Variants in DIP2C observed in about 807,000 individuals in gnomAD.
The protein encoded by DIP2C is disco-interacting protein 2 homolog C.
In DIP2C, 33 loss-of-function variants were observed where a neutral mutation model predicts 192.4. That is an observed-to-expected ratio of 0.17 (90% confidence interval 0.13 to 0.23). The LOEUF (loss-of-function observed/expected upper bound fraction) is 0.23, where lower values mean the gene tolerates loss of function less well. DIP2C is among the 10% of genes least tolerant of loss of function. DIP2C has a pLI of 1.00. For synonymous variants in DIP2C, 979 were observed against 864.1 expected (o/e 1.13, Z -2.33); for missense variants, 1,537 against 2,110.1 (o/e 0.73, Z 5.32).
At position 522,723 on chromosome 10, in the gene DIP2C, G is replaced by A. The variant is rs555210990; in HGVS notation, c.86-36193C>T. ...TCTTTGGTCCATTTTTTCATCAGGTGGTTCATTTTCTTATTATTGGGTTTT... is the reference window on the plus strand; with the variant it reads ...TCTTTGGTCCATTTTTTCATCAGGTAGTTCATTTTCTTATTATTGGGTTTT... On this transcript the variant is annotated intron_variant, in intron 1 of 36. Coordinates refer to ENST00000280886, the MANE Select transcript of DIP2C (RefSeq NM_014974.3). 6.6e-5 allele frequency among the ~76,000 whole-genome samples: 10 copies of A among 152,360 alleles called. No homozygotes were observed. The South Asian group carries it at 1.0e-3, about 16-fold the overall frequency.
intron 2 of DIP2C, among the ~76,000 whole-genome samples, chr10:476,111 G>A (rs564588568): frequency 1.3e-5 from 2 of 152,178 alleles, no homozygotes; most frequent in Admixed American, 6.5e-5. Context: ...AGGGGAGAGA[G>A]GCCGGCATGG....
At chr10:394,956 G>A (rs758972408) in intron 10 of DIP2C, among the ~76,000 whole-genome samples, 6 of 147,110 alleles carry the variant, frequency 4.1e-5, no homozygotes, top group East Asian at 2.1e-4. Context: ...CTATTCAGCC[G>A]TCAGTGAGGA....
At chr10:624,649 G>C (rs369300112) in intron 1 of DIP2C, among the ~76,000 whole-genome samples, 3 of 152,286 alleles carry the variant, frequency 2.0e-5, no homozygotes, top group Admixed American at 6.5e-5. Flanking sequence ...CGGAGGAGGC[G>C]AGCGTCGGTC....
In DIP2C at chr10:286,360, G is replaced by A. The variant is rs749717052; in HGVS notation, c.4045-13C>T. On this transcript the variant is annotated splice_polypyrimidine_tract_variant and intron_variant, in intron 33 of 36. Coordinates refer to ENST00000280886, the MANE Select transcript of DIP2C (RefSeq NM_014974.3). The stretch of plus-strand genomic sequence containing the variant: ...CCCCTGGAAGTATCTATTTGGGAGA[G>A]GAAAAGTCTCTTGTCAATGGGAGGA... The A allele has an allele frequency of 1.9e-6, 3 of 1,612,950 alleles. No homozygotes were observed. The highest frequency in any genetic ancestry group is 4.5e-5 in the East Asian group (2 of 44,880).
intron 4 of DIP2C, among the ~76,000 whole-genome samples, chr10:426,115 C>T (rs928116737): frequency 1.4e-4 from 22 of 152,158 alleles, no homozygotes; most frequent in Middle Eastern, 3.4e-3. Flanking sequence ...ATGTAGAAAA[C>T]GGCAAGAAGT....
chr10:395,207 G>A (rs1225625498), intron 10 of DIP2C, among the ~76,000 whole-genome samples: 1 of 151,650 alleles, frequency 6.6e-6, no homozygotes, highest in Non-Finnish European at 1.5e-5. Flanking sequence ...CAGATTGGAG[G>A]AAGAGGTTTT....
At chr10:620,904 G>A (rs577964981) in intron 1 of DIP2C, among the ~76,000 whole-genome samples, 7 of 152,298 alleles carry the variant, frequency 4.6e-5, no homozygotes, top group Admixed American at 1.3e-4. Context: ...TAAATCTGTC[G>A]GCTGGAGTAT....
chr10:550,718 T>C (rs891109188), intron 1 of DIP2C, among the ~76,000 whole-genome samples: 1 of 152,036 alleles, frequency 6.6e-6, no homozygotes, highest in African/African-American at 2.4e-5. Context: ...CTAGCCCCTC[T>C]CCCCCTACGA....
chr10:497,160 C>T (rs1193219193), intron 1 of DIP2C, among the ~76,000 whole-genome samples: 2 of 151,984 alleles, frequency 1.3e-5, no homozygotes, highest in Non-Finnish European at 2.9e-5. Context: ...ACCTTACTCA[C>T]AATACCCCAA....
intron 3 of DIP2C, among the ~76,000 whole-genome samples, chr10:447,009 G>A (rs1241117629): frequency 6.6e-6 from 1 of 152,154 alleles, no homozygotes; most frequent in African/African-American, 2.4e-5. Flanking sequence ...AAAAGCTTCG[G>A]CATCTATATG....
intron 1 of DIP2C, among the ~76,000 whole-genome samples, chr10:598,352 A>G (rs1191131834): frequency 3.3e-5 from 5 of 152,256 alleles, no homozygotes; most frequent in African/African-American, 9.6e-5. Context: ...AGACCCCTGC[A>G]TTGAGCACAA....
intron 1 of DIP2C, among the ~76,000 whole-genome samples, chr10:626,159 T>G (rs1189515278): frequency 6.6e-6 from 1 of 152,166 alleles, no homozygotes; most frequent in African/African-American, 2.4e-5. Flanking sequence ...CGAGTGCCGA[T>G]GACATGCTAG....
chr10:550,310 C>T (rs1403320354), intron 1 of DIP2C, among the ~76,000 whole-genome samples: 2 of 152,088 alleles, frequency 1.3e-5, no homozygotes, highest in East Asian at 3.9e-4. Flanking sequence ...GTGCCCGGCC[C>T]ATGTAGCTAT....
intron 17 of DIP2C, among the ~76,000 whole-genome samples, chr10:381,006 A>T (rs545133081): frequency 1.3e-5 from 2 of 152,222 alleles, no homozygotes; most frequent in African/African-American, 2.4e-5. Flanking sequence ...CAATGCAGAG[A>T]GGGATGTGTT....
intron 1 of DIP2C, among the ~76,000 whole-genome samples, chr10:584,945 C>CAGAT (rs779035971): frequency 6.5e-5 from 8 of 123,062 alleles, no homozygotes; most frequent in Admixed American, 1.7e-4. Flanking sequence ...CATCACCTCT[C>CAGAT]AATCTCGGGG....
chr10:438,514 G>A (rs1315143048), intron 4 of DIP2C, among the ~76,000 whole-genome samples: 3 of 151,506 alleles, frequency 2.0e-5, no homozygotes, highest in Middle Eastern at 3.4e-3. Flanking sequence ...TTTTGAGATA[G>A]GGTCTTCCTC....
At chr10:627,370 C>T (rs1854264921) in intron 1 of DIP2C, among the ~76,000 whole-genome samples, 2 of 152,196 alleles carry the variant, frequency 1.3e-5, no homozygotes, top group East Asian at 1.9e-4. Context: ...GCCGCTCTGC[C>T]GTACAAGAGA....
chr10:502,677 G>A (rs1329028642), intron 1 of DIP2C, among the ~76,000 whole-genome samples: 4 of 152,134 alleles, frequency 2.6e-5, no homozygotes, highest in Non-Finnish European at 5.9e-5. Flanking sequence ...TGTACTCTAC[G>A]TATTGGCAAT....
rs112744088 is a variant in DIP2C at position 543,702 on chromosome 10, G to A, written c.86-57172C>T. ...ACATGTTTTGGATACAGTCTCTTTC[G>A]CATTCTAAATATCAACACCAAATAA... On this transcript the variant is annotated intron_variant, in intron 1 of 36. Coordinates refer to ENST00000280886, the MANE Select transcript of DIP2C (RefSeq NM_014974.3). 9.7e-3 allele frequency among the ~76,000 whole-genome samples: 1,476 copies of A among 152,158 alleles called. 20 individuals carry two copies. Among genetic ancestry groups the A allele is most frequent in the Admixed American group, 0.037 (572 of 15,294 alleles).
Sources: gnomAD v4.1 joint callset for allele counts (sites outside exome capture counted in the v4.1 genomes callset) on GRCh38, gnomAD v4.1.1 for gene constraint, MANE v1.5 for transcripts, NCBI Gene and HGNC (gene_info 2026-07-23, HGNC 2026-07-21) for gene names.